Variants in DHX36 observed in about 807,000 individuals in gnomAD.
DHX36 encodes ATP-dependent DNA/RNA helicase DHX36.
Under a neutral mutation model 139.0 loss-of-function variants are expected in DHX36, and 50 were observed. The observed-to-expected ratio is 0.36, with a 90% CI of 0.29 to 0.46. DHX36 has a LOEUF of 0.46. Ranked by LOEUF, DHX36 falls within the 20% of genes least tolerant of loss-of-function variation. The pLI is 1.00. For synonymous variants in DHX36, 425 were observed against 401.9 expected (o/e 1.06, Z -0.69); for missense variants, 1,024 against 1,211.3 (o/e 0.85, Z 2.29).
chr3:154,309,066 T>C (rs1366290527), intron 5 of DHX36, among the ~76,000 whole-genome samples: 1 of 152,054 alleles, frequency 6.6e-6, no homozygotes, highest in Non-Finnish European at 1.5e-5. Context: ...CACATGCCTA[T>C]AGTACCACCT....
chr3:154,303,296 T>A, intron 9 of DHX36, 33 bp downstream of exon 9: 1 of 1,464,894 alleles, frequency 6.8e-7, no homozygotes, highest in Non-Finnish European at 9.4e-7. Context: ...ATTAGTACTT[T>A]TTAATGTTTT....
chr3:154,324,377 C>G lies in DHX36; in HGVS notation c.40G>C (p.Gly14Arg). The part of the protein sequence containing the change: ...DYHQNWGRDG[G>R]PRSSGGGYGG... Reference sequence around the variant, plus strand: ...TAGCCCCCACCGGAGCTGCGGGGACCCCCATCACGGCCCCAGTTCTGATGG... The same window carrying G: ...TAGCCCCCACCGGAGCTGCGGGGACGCCCATCACGGCCCCAGTTCTGATGG... The change falls in exon 1 of 25, where the codon GGT (glycine) becomes CGT (arginine). Residue 14 changes from glycine to arginine, a missense_variant. Physicochemically the swap from Gly to Arg is moderately radical, Grantham distance 125 (BLOSUM62 -2). Coordinates refer to ENST00000496811, the MANE Select transcript of DHX36 (RefSeq NM_020865.3). The G allele has an allele frequency of 1.3e-6, 2 of 1,587,022 alleles. No individual in the cohort carries two copies. The highest frequency in any genetic ancestry group is 1.7e-6 in the Non-Finnish European group (2 of 1,164,174).
In DHX36 at chr3:154,304,826, TC is replaced by T. The variant is rs1394866441; in HGVS notation, c.1114del (p.Glu372LysfsTer12). 1 of 1,568,366 alleles carries T rather than the reference TC, an allele frequency of 6.4e-7. No homozygotes were observed. Among genetic ancestry groups the T allele is most frequent in the Non-Finnish European group, 8.6e-7 (1 of 1,162,562 alleles). On this transcript the variant is annotated frameshift_variant, in exon 8 of 25. Coordinates refer to ENST00000496811, the MANE Select transcript of DHX36 (RefSeq NM_020865.3). LOFTEE classifies it high-confidence loss of function. The part of the protein sequence containing the change: ...VILMSATLNA[E>X]KFSEYFGNCP... ...CTCACCAAAATATTCTGAAAACTTT[TC>T]TGCATTCAATGTTGCACTCATCAAT...
At position 154,276,117 on chromosome 3, in the gene DHX36, CAAT is replaced by C. The variant is rs1394874338; in HGVS notation, c.*51_*53del. 2 of 1,555,890 alleles carry C rather than the reference CAAT, an allele frequency of 1.3e-6. No individual in the cohort carries two copies. The highest frequency in any genetic ancestry group is 1.2e-5 in the South Asian group (1 of 82,254). On this transcript the variant is annotated 3_prime_UTR_variant, in exon 25 of 25. Coordinates refer to ENST00000496811, the MANE Select transcript of DHX36 (RefSeq NM_020865.3). ...GTTTGGCATCCAGCCAAAATTTAAA[CAAT>C]GATGAAGAATGGCTGTCAAACTGGC... is the stretch of plus-strand genomic sequence containing the variant.
At chr3:154,316,266 A>G in intron 1 of DHX36, 103 bp from the exon 2 acceptor site, 1 of 1,413,992 alleles carries the variant, frequency 7.1e-7, no homozygotes, top group South Asian at 1.3e-5. Context: ...TATGTTCAAC[A>G]AATACATATA....
intron 20 of DHX36, among the ~76,000 whole-genome samples, chr3:154,281,275 T>G (rs1719326945): frequency 6.6e-6 from 1 of 152,030 alleles, no homozygotes. Flanking sequence ...TTTTAAAAAA[T>G]ATAGAAAAGC....
chr3:154,321,060 G>A (rs1713168910), intron 1 of DHX36, among the ~76,000 whole-genome samples: 1 of 152,130 alleles, frequency 6.6e-6, no homozygotes, highest in Admixed American at 6.5e-5. Flanking sequence ...AAAGGATCAT[G>A]ACCAGCATTA....
rs1488386853 is a variant in DHX36 at position 154,300,498 on chromosome 3, A to G, written c.1461+96T>C. ...TATCAAAAGTAATTTCTTCCAGTCT[A>G]TTTCATAAGCATTTAAGAAAACTGT... On this transcript the variant is annotated intron_variant, in intron 11 of 24. Transcript: ENST00000496811. 4 of 937,316 alleles carry G rather than the reference A, an allele frequency of 4.3e-6. No homozygotes were observed. The African/African-American group carries it at 6.7e-5, about 16-fold the overall frequency. The allele number at this position is 937,316 out of a possible 1,614,324, so 58.1% of individuals were successfully genotyped here.
At position 154,299,978 on chromosome 3, in the gene DHX36, A is replaced by G. The variant is rs113370775; in HGVS notation, c.1462-53T>C. ...AAGGATCACATCAACAAAATGCAGT[A>G]ACAGTAAAATTGTGTGCACACTGAA... On this transcript the variant is annotated intron_variant, in intron 11 of 24. Coordinates refer to ENST00000496811, the MANE Select transcript of DHX36 (RefSeq NM_020865.3). 4.5e-4 allele frequency: 568 copies of G among 1,259,980 alleles called. 1 individual carries two copies. The African/African-American group carries it at 7.3e-3, about 16-fold the overall frequency. 78.1% of individuals were successfully genotyped at this position (1,259,980 alleles called of 1,614,324 possible). A position where few individuals can be genotyped will look rare whatever the true frequency, so the allele number is the denominator to read the frequency against.
At chr3:154,305,692 A>C (rs751074199) in intron 6 of DHX36, among the ~76,000 whole-genome samples, 7 of 152,188 alleles carry the variant, frequency 4.6e-5, no homozygotes, top group Non-Finnish European at 8.8e-5. Context: ...GCTTGAGCAC[A>C]GGAGTCTTCG....
chr3:154,317,831 T>TTA (rs1377506752), intron 1 of DHX36, among the ~76,000 whole-genome samples: 1 of 142,992 alleles, frequency 7.0e-6, no homozygotes, highest in Non-Finnish European at 1.5e-5. Context: ...TAGATTTCAA[T>TTA]TGTTTATTTT....
intron 3 of DHX36, among the ~76,000 whole-genome samples, chr3:154,313,556 TGTAGTGCCA>T (rs1712851198): frequency 6.6e-6 from 1 of 152,098 alleles, no homozygotes; most frequent in African/African-American, 2.4e-5. Context: ...GGCACATGCC[TGTAGTGCCA>T]GCTACTCAGG....
Position 154,276,077 on chromosome 3 carries a change from T to A in DHX36, c.*94A>T. 8.0e-7 allele frequency: 1 copy of A among 1,243,146 alleles called. No individual in the cohort carries two copies. The highest frequency in any genetic ancestry group is 2.3e-5 in the East Asian group (1 of 42,800). The allele number at this position is 1,243,146 out of a possible 1,614,324, so 77.0% of individuals were successfully genotyped here. A position where few individuals can be genotyped will look rare whatever the true frequency, so the allele number is the denominator to read the frequency against. ...AGGCTTCTACCTTACACATGAAAAT[T>A]GTTCATGTCCCAGGGTTTGGCATCC... On this transcript the variant is annotated 3_prime_UTR_variant, in exon 25 of 25. Transcript: ENST00000496811.
chr3:154,308,505 T>C (rs1477281963), intron 5 of DHX36, among the ~76,000 whole-genome samples: 4 of 152,146 alleles, frequency 2.6e-5, no homozygotes, highest in Admixed American at 2.0e-4. Flanking sequence ...TTAAAAAATA[T>C]ATAACTCACA....
chr3:154,298,574 T>A (rs991628645), intron 12 of DHX36, among the ~76,000 whole-genome samples: 4 of 152,252 alleles, frequency 2.6e-5, no homozygotes, highest in African/African-American at 9.6e-5. Flanking sequence ...AATATATACA[T>A]TTATTATTTT....
chr3:154,317,304 G>A (rs1034491088), intron 1 of DHX36, among the ~76,000 whole-genome samples: 2 of 152,110 alleles, frequency 1.3e-5, no homozygotes, highest in South Asian at 2.1e-4. Flanking sequence ...GAAATTTCCC[G>A]ACTTGTAATA....
At position 154,300,681 on chromosome 3, in the gene DHX36, A is replaced by G. The variant is rs757691737; in HGVS notation, c.1374T>C (p.Thr458=). The stretch of plus-strand genomic sequence containing the variant: ...CCTCCATCATTTCTATAACATCTAC[A>G]GTACTTGCAGAATACCTATCAAAGT... ...RELRRRYSAS[T]VDVIEMMEDD... The change falls in exon 11 of 25, where the codon ACT becomes ACC. Residue 458 remains threonine (T), a synonymous_variant. Coordinates refer to ENST00000496811, the MANE Select transcript of DHX36 (RefSeq NM_020865.3). The G allele has an allele frequency of 6.2e-7, 1 of 1,612,240 alleles. No individual in the cohort carries two copies. The highest frequency in any genetic ancestry group is 8.5e-7 in the Non-Finnish European group (1 of 1,178,740).
In DHX36 at chr3:154,280,823, G is replaced by A. The variant is rs1719311411; in HGVS notation, c.2416C>T (p.Leu806Phe). 2 of 1,613,594 alleles carry A rather than the reference G, an allele frequency of 1.2e-6. No individual in the cohort carries two copies. The highest frequency in any genetic ancestry group is 1.7e-6 in the Non-Finnish European group (2 of 1,179,812). Residue 806 changes from leucine (L) to phenylalanine (F), a missense_variant, in exon 21 of 25, where the codon CTT becomes TTT. Coordinates refer to ENST00000496811, the MANE Select transcript of DHX36 (RefSeq NM_020865.3). ...NMKGQFAEHL[L>F]GAGFVSSRNP... ...CTACTGCTTACAAATCCAGCTCCAA[G>A]AAGATGCTCAGCAAACTGTCCTTTC...
chr3:154,285,562 G>A (rs919320931), intron 17 of DHX36, among the ~76,000 whole-genome samples: 1 of 152,208 alleles, frequency 6.6e-6, no homozygotes, highest in African/African-American at 2.4e-5. Context: ...ACATCTAGGG[G>A]AGGTGAGTGC....
Sources: gnomAD v4.1 joint callset for allele counts (sites outside exome capture counted in the v4.1 genomes callset) on GRCh38, gnomAD v4.1.1 for gene constraint, MANE v1.5 for transcripts, NCBI Gene and HGNC (gene_info 2026-07-23, HGNC 2026-07-21) for gene names.